ARID4A: variants seen among roughly 807,000 people sequenced by gnomAD.
The protein encoded by ARID4A is AT-rich interactive domain-containing protein 4A.
A neutral mutation model predicts 148.6 loss-of-function variants in ARID4A; 39 were observed. The observed-to-expected ratio is 0.26, with a 90% CI of 0.20 to 0.34. ARID4A has a LOEUF of 0.34. ARID4A is among the 10% of genes least tolerant of loss of function. The pLI, the probability that ARID4A is intolerant of heterozygous loss-of-function variation, is 1.00. For synonymous variants in ARID4A, 475 were observed against 481.2 expected (o/e 0.99, Z 0.17); for missense variants, 1,265 against 1,449.1 (o/e 0.87, Z 2.06).
In ARID4A at chr14:58,364,735, T is replaced by C; in HGVS notation, c.2646T>C (p.Ser882=). Reference sequence around the variant, plus strand: ...GAATGGAAATGACAAATACTGTATCTCAAGAAAGGACCAGTGATTGTATTG... The same window carrying C: ...GAATGGAAATGACAAATACTGTATCCCAAGAAAGGACCAGTGATTGTATTG... ...ENGMEMTNTV[S]QERTSDCIGS... The change falls in exon 20 of 24, where the codon TCT becomes TCC. Residue 882 remains serine, a synonymous_variant. Coordinates refer to ENST00000355431, the MANE Select transcript of ARID4A (RefSeq NM_002892.4). The C allele has an allele frequency of 6.2e-7, 1 of 1,613,820 alleles. No homozygotes were observed. The highest frequency in any genetic ancestry group is 1.1e-5 in the South Asian group (1 of 91,018).
Position 58,373,645 on chromosome 14 carries a change from G to C in ARID4A, c.*1656G>C, listed in dbSNP as rs1470052408. The C allele has an allele frequency of 5.7e-6, 1 of 175,772 alleles. No individual in the cohort carries two copies. Among genetic ancestry groups the C allele is most frequent in the Non-Finnish European group, 1.2e-5 (1 of 81,504 alleles). The allele number at this position is 175,772 out of a possible 1,614,324, so 10.9% of individuals were successfully genotyped here. A position where few individuals can be genotyped will look rare whatever the true frequency, so the allele number is the denominator to read the frequency against. ...GTACTCTTGTAAAATGCACTTTTCT[G>C]TCTTTTCTTTGCAAAGCAGAAGTAT... is the stretch of plus-strand genomic sequence containing the variant. On this transcript the variant is annotated 3_prime_UTR_variant, in exon 24 of 24. Coordinates refer to ENST00000355431, the MANE Select transcript of ARID4A (RefSeq NM_002892.4).
intron 5 of ARID4A, among the ~76,000 whole-genome samples, chr14:58,310,708 G>A (rs1303878112): frequency 1.3e-5 from 2 of 151,564 alleles, no homozygotes; most frequent in Admixed American, 1.3e-4. Context: ...CACTGGCCCG[G>A]GCATTGATTT....
At chr14:58,345,719 C>CTTTTTTTTTTTT (rs869137059) in intron 12 of ARID4A, among the ~76,000 whole-genome samples, 1 of 75,874 alleles carries the variant, frequency 1.3e-5, no homozygotes, top group African/African-American at 5.9e-5. Context: ...TATGCCTAAA[C>CTTTTTTTTTTTT]TTTTTTTTTT....
intron 11 of ARID4A, among the ~76,000 whole-genome samples, chr14:58,336,760 A>G (rs1214211370): frequency 6.6e-6 from 1 of 152,136 alleles, no homozygotes; most frequent in African/African-American, 2.4e-5. Flanking sequence ...CTATGAAAAT[A>G]TGTATATAAA....
intron 4 of ARID4A, among the ~76,000 whole-genome samples, chr14:58,305,305 T>TG (rs911010779): frequency 6.6e-6 from 1 of 152,158 alleles, no homozygotes; most frequent in Non-Finnish European, 1.5e-5. Context: ...TTCACATTGT[T>TG]GCTGTATCTG....
intron 15 of ARID4A, among the ~76,000 whole-genome samples, chr14:58,349,287 G>A (rs981768165): frequency 2.6e-5 from 4 of 152,054 alleles, no homozygotes; most frequent in Non-Finnish European, 5.9e-5. Context: ...TATCTGCAGT[G>A]TGCTGTCTAG....
At position 58,361,064 on chromosome 14, in the gene ARID4A, A is replaced by G. The variant is rs748711055; in HGVS notation, c.2080+22A>G. The G allele has an allele frequency of 1.3e-5, 21 of 1,610,842 alleles. No individual in the cohort carries two copies. In the South Asian group the frequency reaches 1.7e-4, roughly 13 times the overall value. On this transcript the variant is annotated intron_variant, in intron 19 of 23. Coordinates refer to ENST00000355431, the MANE Select transcript of ARID4A (RefSeq NM_002892.4). The stretch of plus-strand genomic sequence containing the variant: ...TCAGGTACCAGAAGTGCTCGCAGCA[A>G]TATACCAGACAGCTCACCTCTGTCA...
Position 58,365,394 on chromosome 14 carries a change from T to G in ARID4A, c.3211+94T>G, listed in dbSNP as rs896567915. On this transcript the variant is annotated intron_variant, in intron 20 of 23. Coordinates refer to ENST00000355431, the MANE Select transcript of ARID4A (RefSeq NM_002892.4). ...ACTGTTGATCTGTAAAGTACTTTCT[T>G]TTTCTTTTCTCTCTTCTTTTCTTAT... 19 of 1,449,480 alleles carry G rather than the reference T, an allele frequency of 1.3e-5. No individual in the cohort carries two copies. In the African/African-American group the frequency reaches 2.4e-4, roughly 19 times the overall value. The allele number at this position is 1,449,480 out of a possible 1,614,324, so 89.8% of individuals were successfully genotyped here.
intron 5 of ARID4A, among the ~76,000 whole-genome samples, chr14:58,307,924 A>T (rs1445016357): frequency 1.3e-5 from 2 of 152,162 alleles, no homozygotes; most frequent in East Asian, 3.8e-4. Flanking sequence ...TGTGTGTAGA[A>T]TCACCGGAAA....
chr14:58,300,751 A>G (rs1040784403), intron 2 of ARID4A, among the ~76,000 whole-genome samples: 2 of 152,094 alleles, frequency 1.3e-5, no homozygotes, highest in Non-Finnish European at 2.9e-5. Context: ...GTACACTGTT[A>G]ACTTTGCACT....
At position 58,373,171 on chromosome 14, in the gene ARID4A, A is replaced by C; in HGVS notation, c.*1182A>C. The C allele has an allele frequency of 5.0e-6, 1 of 200,756 alleles. No individual in the cohort carries two copies. Among genetic ancestry groups the C allele is most frequent in the Non-Finnish European group, 1.0e-5 (1 of 97,152 alleles). The allele number at this position is 200,756 out of a possible 1,614,324, so 12.4% of individuals were successfully genotyped here. A position where few individuals can be genotyped will look rare whatever the true frequency, so the allele number is the denominator to read the frequency against. The stretch of plus-strand genomic sequence containing the variant: ...GGTTGCCCTTAAGATACTTTGTCAC[A>C]GTTTTTATGTTTGCTATACTGCCGA... On this transcript the variant is annotated 3_prime_UTR_variant, in exon 24 of 24. Transcript: ENST00000355431.
chr14:58,366,152 A>C lies in ARID4A; in HGVS notation c.3445A>C (p.Lys1149Gln). ...RSPARISPHI[K>Q]DGEKDKHREK... ...TCCTGCAAGAATATCCCCGCACATC[A>C]AAGATGGAGAGAAAGATAAACACAG... The change falls in exon 22 of 24, where the codon AAA becomes CAA. Residue 1149 changes from lysine (K) to glutamine (Q), a missense_variant. Lys to Gln is a moderately conservative substitution (Grantham distance 53). Coordinates refer to ENST00000355431, the MANE Select transcript of ARID4A (RefSeq NM_002892.4). 6.2e-7 allele frequency: 1 copy of C among 1,613,970 alleles called. No individual in the cohort carries two copies. Among genetic ancestry groups the C allele is most frequent in the South Asian group, 1.1e-5 (1 of 91,080 alleles).
chr14:58,299,995 TG>T, intron 2 of ARID4A, 135 bp downstream of exon 2: 1 of 1,237,900 alleles, frequency 8.1e-7, no homozygotes, highest in Non-Finnish European at 1.2e-6. Context: ...CATAGGAGGA[TG>T]TGTTGAATGG....
chr14:58,364,478 A>G lies in ARID4A; in HGVS notation c.2389A>G (p.Ser797Gly). Reference protein sequence around the residue: ...EKSPKGKGRRSKTKDLSLEII... With the variant: ...EKSPKGKGRRGKTKDLSLEII... ...ATCTCCAAAAGGAAAGGGAAGACGA[A>G]GCAAGACAAAAGATCTTTCTTTAGA... is the stretch of plus-strand genomic sequence containing the variant. The change falls in exon 20 of 24, where the codon AGC becomes GGC. Residue 797 changes from serine to glycine, a missense_variant. Coordinates refer to ENST00000355431, the MANE Select transcript of ARID4A (RefSeq NM_002892.4). The G allele has an allele frequency of 3.1e-6, 5 of 1,613,034 alleles. No individual in the cohort carries two copies. The highest frequency in any genetic ancestry group is 3.4e-6 in the Non-Finnish European group (4 of 1,179,828).
At chr14:58,368,067 C>G (rs2035433479) in intron 23 of ARID4A, among the ~76,000 whole-genome samples, 1 of 152,048 alleles carries the variant, frequency 6.6e-6, no homozygotes, top group South Asian at 2.1e-4. Flanking sequence ...CTACCTCACC[C>G]CCAACTCAAG....
At chr14:58,359,237 C>A in intron 18 of ARID4A, 21 bp downstream of exon 18, 1 of 1,558,574 alleles carries the variant, frequency 6.4e-7, no homozygotes, top group Non-Finnish European at 8.7e-7. Flanking sequence ...AGATTTATGT[C>A]CTTTATAATA....
Position 58,365,636 on chromosome 14 carries a change from A to G in ARID4A, c.3316+14A>G. ...AGAATGGAACAGGTTGGTGTCTTTC[A>G]ATGCTAGCTTTTGTATAGTGTTAGT... On this transcript the variant is annotated intron_variant, in intron 21 of 23. Coordinates refer to ENST00000355431, the MANE Select transcript of ARID4A (RefSeq NM_002892.4). The G allele has an allele frequency of 1.2e-6, 2 of 1,604,508 alleles. No individual in the cohort carries two copies.
At chr14:58,327,086 TATG>T (rs2033257841) in intron 8 of ARID4A, among the ~76,000 whole-genome samples, 2 of 152,214 alleles carry the variant, frequency 1.3e-5, no homozygotes, top group South Asian at 4.1e-4. Context: ...CACTATTCAG[TATG>T]ATAACCATGA....
chr14:58,353,690 G>A lies in ARID4A; in HGVS notation c.1688G>A (p.Gly563Glu), dbSNP rs1394130373. The A allele has an allele frequency of 1.2e-6, 2 of 1,613,904 alleles. No individual in the cohort carries two copies. The highest frequency in any genetic ancestry group is 2.2e-5 in the East Asian group (1 of 44,854). The change falls in exon 17 of 24, where the codon GGA becomes GAA. Residue 563 changes from glycine (G) to glutamate (E), a missense_variant. Transcript: ENST00000355431. The part of the protein sequence containing the change: ...EETESKCDSE[G>E]EEDEEDMEPC... ...ACTGAAAGCAAATGTGACTCTGAAG[G>A]AGAGGAAGATGAGGAAGACATGGAA...
Sources: gnomAD v4.1 joint callset for allele counts (sites outside exome capture counted in the v4.1 genomes callset) on GRCh38, gnomAD v4.1.1 for gene constraint, MANE v1.5 for transcripts, NCBI Gene and HGNC (gene_info 2026-07-23, HGNC 2026-07-21) for gene names.